Variants in LSAMP observed in about 807,000 individuals in gnomAD.
The protein encoded by LSAMP is limbic system-associated membrane protein.
A neutral mutation model predicts 38.6 loss-of-function variants in LSAMP; 7 were observed. That is an observed-to-expected ratio of 0.18 (90% CI 0.10 to 0.34). The LOEUF (loss-of-function observed/expected upper bound fraction) is 0.34, where lower values mean the gene tolerates loss of function less well. LSAMP is among the 10% of genes least tolerant of loss of function. The pLI is 1.00. For synonymous variants in LSAMP, 154 were observed against 166.8 expected, an observed-to-expected ratio of 0.92 and a Z score of 0.59; for missense variants, 313 against 420.0, an observed-to-expected ratio of 0.75 and a Z score of 2.23.
At chr3:115,968,135 A>G (rs1938887300) in intron 3 of LSAMP, among the ~76,000 whole-genome samples, 1 of 151,990 alleles carries the variant, frequency 6.6e-6, no homozygotes. Flanking sequence ...AATACCATCC[A>G]AGAGCCATGT....
At chr3:115,988,745 AAC>A (rs1939584310) in intron 3 of LSAMP, among the ~76,000 whole-genome samples, 1 of 152,154 alleles carries the variant, frequency 6.6e-6, no homozygotes. Context: ...ATAGCAAAAC[AAC>A]ACTTTCAATT....
chr3:115,912,079 T>C (rs985302346), intron 3 of LSAMP, among the ~76,000 whole-genome samples: 2 of 152,196 alleles, frequency 1.3e-5, no homozygotes, highest in Non-Finnish European at 2.9e-5. Context: ...CTTTGCCTGA[T>C]TTGTAGTTTC....
At position 115,864,774 on chromosome 3, in the gene LSAMP, T is replaced by C. The variant is rs112324217; in HGVS notation, c.515-12157A>G. Among the ~76,000 whole-genome samples the C allele has an allele frequency of 1.8e-3, 273 of 152,030 alleles. 1 individual carries two copies. Among genetic ancestry groups the C allele is most frequent in the African/African-American group, 6.4e-3 (265 of 41,484 alleles). ...TCATGAAAGTGTATGATTAATAGAG[T>C]GTACATGGAGAATTTTCATGGATAG... On this transcript the variant is annotated intron_variant, in intron 3 of 6. Coordinates refer to ENST00000490035, the MANE Select transcript of LSAMP (RefSeq NM_002338.5).
At chr3:116,033,768 T>G (rs1356597784) in intron 2 of LSAMP, among the ~76,000 whole-genome samples, 1 of 152,046 alleles carries the variant, frequency 6.6e-6, no homozygotes, top group East Asian at 1.9e-4. Context: ...CCACTGGAAC[T>G]CTGGGTTCAT....
chr3:116,415,225 T>TATTATAACC (rs5852011), intron 1 of LSAMP, among the ~76,000 whole-genome samples: 126,834 of 151,484 alleles, frequency 0.84, 53,396 homozygotes, highest in South Asian at 0.93. Flanking sequence ...CAATAGTTAT[T>TATTATAACC]ATTTTACAGA....
intron 1 of LSAMP, among the ~76,000 whole-genome samples, chr3:116,437,487 C>A (rs141231043): frequency 2.6e-5 from 4 of 152,186 alleles, no homozygotes; most frequent in Admixed American, 6.5e-5. Context: ...TAGACATGTG[C>A]AAGATGGGAC....
At chr3:115,947,037 A>G (rs576728477) in intron 3 of LSAMP, among the ~76,000 whole-genome samples, 2 of 152,282 alleles carry the variant, frequency 1.3e-5, no homozygotes, top group Non-Finnish European at 2.9e-5. Context: ...AACAGAATAA[A>G]TAAGAAAGAC....
At chr3:116,204,158 T>C (rs1191918116) in intron 1 of LSAMP, among the ~76,000 whole-genome samples, 3 of 152,110 alleles carry the variant, frequency 2.0e-5, no homozygotes, top group Admixed American at 6.5e-5. Context: ...CCAGTGATGA[T>C]GAGCATTTTT....
intron 1 of LSAMP, among the ~76,000 whole-genome samples, chr3:116,357,766 A>G (rs1431011872): frequency 6.6e-6 from 1 of 152,168 alleles, no homozygotes; most frequent in East Asian, 1.9e-4. Flanking sequence ...TAATATAAGT[A>G]AATAATAAAT....
intron 1 of LSAMP, among the ~76,000 whole-genome samples, chr3:116,376,867 A>T (rs1308346031): frequency 6.6e-6 from 1 of 152,060 alleles, no homozygotes; most frequent in Non-Finnish European, 1.5e-5. Context: ...GATATTAAAT[A>T]AATCCCAACT....
At chr3:116,295,630 A>G (rs2047321076) in intron 1 of LSAMP, among the ~76,000 whole-genome samples, 1 of 152,182 alleles carries the variant, frequency 6.6e-6, no homozygotes, top group Non-Finnish European at 1.5e-5. Flanking sequence ...TTTAGTTGGC[A>G]TTATTGCTAA....
At chr3:116,187,023 A>T (rs1710635176) in intron 1 of LSAMP, among the ~76,000 whole-genome samples, 1 of 152,144 alleles carries the variant, frequency 6.6e-6, no homozygotes, top group African/African-American at 2.4e-5. Context: ...GAGACAATAA[A>T]AAACACAACA....
intron 1 of LSAMP, among the ~76,000 whole-genome samples, chr3:116,116,551 A>AT (rs71616343): frequency 6.7e-6 from 1 of 148,402 alleles, no homozygotes; most frequent in African/African-American, 2.5e-5. Context: ...AAAAAAAAAA[A>AT]TACAAAATAC....
chr3:116,312,003 G>A (rs1215477193), intron 1 of LSAMP, among the ~76,000 whole-genome samples: 1 of 152,128 alleles, frequency 6.6e-6, no homozygotes, highest in Admixed American at 6.5e-5. Context: ...CATCTCTGGT[G>A]GAGTGGAAAA....
intron 1 of LSAMP, among the ~76,000 whole-genome samples, chr3:116,259,660 C>T (rs1190254383): frequency 6.6e-6 from 1 of 152,094 alleles, no homozygotes; most frequent in East Asian, 1.9e-4. Context: ...ATGTGTGTAG[C>T]TGTGGTGCTG....
intron 1 of LSAMP, among the ~76,000 whole-genome samples, chr3:116,305,288 G>T (rs989940235): frequency 1.5e-4 from 23 of 152,068 alleles, no homozygotes; most frequent in Non-Finnish European, 2.5e-4. Context: ...AAAGAGAATA[G>T]AAATGAGCAA....
chr3:116,310,492 C>G (rs1371937146), intron 1 of LSAMP, among the ~76,000 whole-genome samples: 1 of 152,170 alleles, frequency 6.6e-6, no homozygotes, highest in Non-Finnish European at 1.5e-5. Flanking sequence ...GCAACCTTTA[C>G]CTACTCACCA....
chr3:116,386,028 A>G (rs573238376), intron 1 of LSAMP, among the ~76,000 whole-genome samples: 3 of 152,202 alleles, frequency 2.0e-5, no homozygotes, highest in African/African-American at 4.8e-5. Context: ...TTAATCCTCA[A>G]AAAACTTTGG....
Position 116,391,657 on chromosome 3 carries a change from A to G in LSAMP, c.155+53220T>C, listed in dbSNP as rs551369467. On this transcript the variant is annotated intron_variant, in intron 1 of 6. Transcript: ENST00000490035. ...GTGCCACGTTTGTACTGATTTTTCC[A>G]GGGAATGATTCCGGGGAAATCACTT... Among the ~76,000 whole-genome samples, 11 of 152,000 alleles carry G rather than the reference A, an allele frequency of 7.2e-5. No homozygotes were observed. The South Asian group carries it at 2.3e-3, about 32-fold the overall frequency.
Sources: gnomAD v4.1 joint callset for allele counts (sites outside exome capture counted in the v4.1 genomes callset) on GRCh38, gnomAD v4.1.1 for gene constraint, MANE v1.5 for transcripts, NCBI Gene and HGNC (gene_info 2026-07-23, HGNC 2026-07-21) for gene names.